EDEM2: variants seen among roughly 807,000 people sequenced by gnomAD.
The protein encoded by EDEM2 is ER degradation-enhancing alpha-mannosidase-like protein 2.
EDEM2 carries 39 observed loss-of-function variants against 64.8 expected under a neutral mutation model. That is an observed-to-expected ratio of 0.60 (90% CI 0.47 to 0.79). The LOEUF is 0.79. Among genes scored for constraint, EDEM2 ranks in the 30% least tolerant of loss-of-function variants. The pLI is 0.00. For missense variants in EDEM2, 609 were observed against 731.3 expected (o/e 0.83, Z 1.93); for synonymous variants, 296 against 291.5 (o/e 1.02, Z -0.16).
At chr20:35,139,368 T>C (rs1457182282) in intron 4 of EDEM2, among the ~76,000 whole-genome samples, 2 of 106,540 alleles carry the variant, frequency 1.9e-5, no homozygotes, top group Non-Finnish European at 3.7e-5. Context: ...AAAAAAAAAG[T>C]CTGGGCACGG....
intron 4 of EDEM2, among the ~76,000 whole-genome samples, chr20:35,141,588 C>T (rs2085654432): frequency 6.6e-6 from 1 of 152,042 alleles, no homozygotes; most frequent in Non-Finnish European, 1.5e-5. Context: ...AGAAAACATA[C>T]AAAATAATGG....
intron 7 of EDEM2, among the ~76,000 whole-genome samples, chr20:35,127,944 T>C (rs1600706824): frequency 6.6e-6 from 1 of 152,372 alleles, no homozygotes; most frequent in East Asian, 1.9e-4. Context: ...TTGTTTGTGG[T>C]GATACTGGTG....
chr20:35,139,651 GAAAAA>G (rs924462871), intron 4 of EDEM2, among the ~76,000 whole-genome samples: 4 of 75,088 alleles, frequency 5.3e-5, no homozygotes, highest in Admixed American at 3.0e-4. Flanking sequence ...CTCCATCTCA[GAAAAA>G]AAAAAAAAAA....
intron 4 of EDEM2, among the ~76,000 whole-genome samples, chr20:35,141,480 G>A (rs956201686): frequency 2.0e-5 from 3 of 152,150 alleles, no homozygotes; most frequent in African/African-American, 4.8e-5. Context: ...AACTCAGGCC[G>A]GATTCCTAAA....
chr20:35,131,944 G>T (rs1277190166), intron 6 of EDEM2, among the ~76,000 whole-genome samples, 161 bp from the exon 7 acceptor site: 1 of 152,212 alleles, frequency 6.6e-6, no homozygotes, highest in Non-Finnish European at 1.5e-5. Flanking sequence ...GCTGGATCAT[G>T]GCCAGCCTTC....
chr20:35,137,081 G>T (rs1161710038), intron 5 of EDEM2, among the ~76,000 whole-genome samples: 1 of 152,186 alleles, frequency 6.6e-6, no homozygotes, highest in East Asian at 1.9e-4. Flanking sequence ...ATGTGGTAGG[G>T]AAGTAGAAAT....
chr20:35,118,466 T>A (rs1230197867), intron 10 of EDEM2, 132 bp downstream of exon 10: 2 of 1,363,704 alleles, frequency 1.5e-6, no homozygotes, highest in South Asian at 1.2e-5. Flanking sequence ...CTGTAAAATA[T>A]GAGCATTATG....
At chr20:35,129,545 TGG>T (rs772849757) in intron 7 of EDEM2, among the ~76,000 whole-genome samples, 1 of 147,434 alleles carries the variant, frequency 6.8e-6, no homozygotes, top group African/African-American at 2.5e-5. Flanking sequence ...CACTCCAGCC[TGG>T]GCAACAGAGC....
At chr20:35,119,431 C>T (rs563351252) in intron 9 of EDEM2, among the ~76,000 whole-genome samples, 117 of 152,038 alleles carry the variant, frequency 7.7e-4, no homozygotes, top group Non-Finnish European at 1.5e-3. Flanking sequence ...CTTGTCTCTA[C>T]AAAAATTAAA....
intron 4 of EDEM2, among the ~76,000 whole-genome samples, chr20:35,138,716 AC>A (rs1213224611): frequency 6.6e-6 from 1 of 150,896 alleles, no homozygotes; most frequent in African/African-American, 2.4e-5. Flanking sequence ...AGTAGCTGGG[AC>A]TACAGGAGCT....
At chr20:35,128,846 T>C (rs2085470442) in intron 7 of EDEM2, among the ~76,000 whole-genome samples, 1 of 150,900 alleles carries the variant, frequency 6.6e-6, no homozygotes, top group Non-Finnish European at 1.5e-5. Context: ...AATAAGGATA[T>C]AAATAAAATA....
chr20:35,123,946 T>G lies in EDEM2; in HGVS notation c.1058A>C (p.Tyr353Ser), dbSNP rs1421854809. 1 of 1,614,180 alleles carries G rather than the reference T, an allele frequency of 6.2e-7. No individual in the cohort carries two copies. The highest frequency in any genetic ancestry group is 2.2e-5 in the East Asian group (1 of 44,888). ...CACTGTGTATCCCTGAGGAATGTTG[T>G]AGAATTCCGGGAGCCCCCCAAACTG... ...WKQFGGLPEF[Y>S]NIPQGYTVEK... Residue 353 changes from tyrosine (Y) to serine (S), a missense_variant, in exon 9 of 11, where the codon TAC becomes TCC. Tyr to Ser is a moderately radical substitution (Grantham distance 144, BLOSUM62 -2). Coordinates refer to ENST00000374492, the MANE Select transcript of EDEM2 (RefSeq NM_018217.3).
In EDEM2 at chr20:35,118,721, T is replaced by C. The variant is rs1413685994; in HGVS notation, c.1115-2A>G. 6 of 1,611,962 alleles carry C rather than the reference T, an allele frequency of 3.7e-6. No homozygotes were observed. The highest frequency in any genetic ancestry group is 5.1e-6 in the Non-Finnish European group (6 of 1,179,870). On this transcript the variant is annotated splice_acceptor_variant, in intron 9 of 10. Coordinates refer to ENST00000374492, the MANE Select transcript of EDEM2 (RefSeq NM_018217.3). LOFTEE classifies it high-confidence loss of function. ...GGTACATTGCGCTTTCAATAAGTTC[T>C]GCAAAGTCCAAAGCAGACCCTCCTC...
Position 35,115,787 on chromosome 20 carries a change from A to T in EDEM2, c.1383T>A (p.Tyr461Ter), listed in dbSNP as rs767724887. Reference protein sequence around the residue: ...GSTFDAVITPYGECILGAGGY... With the variant: ...GSTFDAVITP Reference sequence around the variant, plus strand: ...CCCCAGCCCCCAGGATGCACTCCCCATAGGGGGTGATCACCGCGTCGAAGG... The same window carrying T: ...CCCCAGCCCCCAGGATGCACTCCCCTTAGGGGGTGATCACCGCGTCGAAGG... Residue 461 changes from tyrosine to a stop codon, truncating the protein, a stop_gained, in exon 11 of 11, where the codon TAT (tyrosine) becomes TAA (stop). Coordinates refer to ENST00000374492, the MANE Select transcript of EDEM2 (RefSeq NM_018217.3). LOFTEE classifies it high-confidence loss of function. 1 of 1,614,048 alleles carries T rather than the reference A, an allele frequency of 6.2e-7. No homozygotes were observed. Among genetic ancestry groups the T allele is most frequent in the South Asian group, 1.1e-5 (1 of 91,080 alleles).
intron 5 of EDEM2, among the ~76,000 whole-genome samples, chr20:35,137,171 A>G (rs2146108014): frequency 6.6e-6 from 1 of 152,232 alleles, no homozygotes; most frequent in East Asian, 1.9e-4. Flanking sequence ...TAATCCCAGC[A>G]CTTTGGGAGG....
chr20:35,121,879 C>T (rs769379708), intron 9 of EDEM2, among the ~76,000 whole-genome samples: 22 of 151,954 alleles, frequency 1.4e-4, no homozygotes, highest in Non-Finnish European at 2.1e-4. Flanking sequence ...ACTGCAGCTA[C>T]GACCACCTGG....
intron 4 of EDEM2, 93 bp downstream of exon 4, chr20:35,142,280 G>T: frequency 2.9e-6 from 3 of 1,030,090 alleles, no homozygotes; most frequent in Non-Finnish European, 4.4e-6. Context: ...TCCTGGCATG[G>T]TCAGTCCTTA....
intron 8 of EDEM2, among the ~76,000 whole-genome samples, chr20:35,125,513 T>C (rs905766629): frequency 6.6e-6 from 1 of 151,906 alleles, no homozygotes; most frequent in Admixed American, 6.6e-5. Context: ...GCCTCCCGAG[T>C]AGCTGGGACT....
intron 3 of EDEM2, among the ~76,000 whole-genome samples, chr20:35,144,140 C>T (rs146739457): frequency 6.6e-6 from 1 of 152,112 alleles, no homozygotes; most frequent in East Asian, 1.9e-4. Flanking sequence ...AACTCCTGTG[C>T]TCAAGCAGTC....
Sources: allele counts gnomAD v4.1 joint callset (sites outside exome capture counted in the v4.1 genomes callset), GRCh38; gene constraint gnomAD v4.1.1; transcripts MANE v1.5; gene names NCBI Gene and HGNC (gene_info 2026-07-23, HGNC 2026-07-21).